Variants in PLCL1 observed in about 807,000 individuals in gnomAD.
The protein encoded by PLCL1 is phospholipase C like 1 (inactive).
Under a neutral mutation model 84.4 loss-of-function variants are expected in PLCL1, and 41 were observed. The ratio of observed to expected loss-of-function variants is 0.49; its 90% CI spans 0.38 to 0.63. PLCL1 has a LOEUF of 0.63. PLCL1 is among the 30% of genes least tolerant of loss of function. The pLI, the probability that PLCL1 is intolerant of heterozygous loss-of-function variation, is 0.00. For missense variants in PLCL1, 1,206 were observed against 1,367.8 expected (o/e 0.88, Z 1.87); for synonymous variants, 490 against 488.3 (o/e 1.00, Z -0.05).
intron 1 of PLCL1, among the ~76,000 whole-genome samples, chr2:197,964,360 A>T (rs1340328905): frequency 6.6e-6 from 1 of 152,070 alleles, no homozygotes; most frequent in East Asian, 1.9e-4. Flanking sequence ...ATTTGTAGCT[A>T]ATATAAATGG....
rs1193670706 is a variant in PLCL1 at position 198,004,182 on chromosome 2, A to G, written c.241-79576A>G. ...GTCTGGAAGCTGGGCCAATTTCTAC[A>G]AATGTTCTGCTCAGTAGCTAGCCTT... On this transcript the variant is annotated intron_variant, in intron 1 of 5. Coordinates refer to ENST00000428675, the MANE Select transcript of PLCL1 (RefSeq NM_006226.4). Among the ~76,000 whole-genome samples the G allele has an allele frequency of 2.0e-5, 3 of 152,226 alleles. No homozygotes were observed. The East Asian group carries it at 5.8e-4, about 29-fold the overall frequency.
intron 1 of PLCL1, among the ~76,000 whole-genome samples, chr2:198,068,839 T>C (rs1039084172): frequency 6.6e-6 from 1 of 152,080 alleles, no homozygotes; most frequent in Non-Finnish European, 1.5e-5. Context: ...CTGAACAACA[T>C]GGAGAAACCC....
At chr2:197,843,742 C>A (rs1175016622) in intron 1 of PLCL1, among the ~76,000 whole-genome samples, 1 of 152,090 alleles carries the variant, frequency 6.6e-6, no homozygotes, top group Non-Finnish European at 1.5e-5. Context: ...GAAAGATTCC[C>A]TAGATCTGAA....
intron 1 of PLCL1, among the ~76,000 whole-genome samples, chr2:197,869,035 T>A (rs1006069321): frequency 1.6e-4 from 25 of 152,322 alleles, no homozygotes; most frequent in Admixed American, 2.6e-4. Context: ...GAGTGCCTGT[T>A]ATACGCTGAG....
chr2:197,886,650 G>C (rs1687930137), intron 1 of PLCL1, among the ~76,000 whole-genome samples: 1 of 151,978 alleles, frequency 6.6e-6, no homozygotes, highest in African/African-American at 2.4e-5. Flanking sequence ...AGGGCCTTTC[G>C]ATCTACTTTC....
At chr2:197,829,463 A>G (rs1207618808) in intron 1 of PLCL1, among the ~76,000 whole-genome samples, 1 of 152,204 alleles carries the variant, frequency 6.6e-6, no homozygotes, top group Non-Finnish European at 1.5e-5. Context: ...GAATTTATGC[A>G]TCGTTAAAAT....
intron 1 of PLCL1, among the ~76,000 whole-genome samples, chr2:197,825,364 A>C (rs143944405): frequency 8.7e-4 from 132 of 152,292 alleles, no homozygotes; most frequent in African/African-American, 3.0e-3. Context: ...TTTCAGTAGA[A>C]GGCATAGGCA....
At chr2:197,957,168 C>G (rs1255867907) in intron 1 of PLCL1, among the ~76,000 whole-genome samples, 1 of 152,026 alleles carries the variant, frequency 6.6e-6, no homozygotes, top group African/African-American at 2.4e-5. Flanking sequence ...CTCACTTCCA[C>G]TAGGAATTAT....
intron 5 of PLCL1, among the ~76,000 whole-genome samples, chr2:198,131,536 C>T (rs1052306198): frequency 1.3e-5 from 2 of 152,150 alleles, no homozygotes; most frequent in Non-Finnish European, 2.9e-5. Flanking sequence ...CTCGTCAAAT[C>T]CCCATGTTTT....
intron 1 of PLCL1, among the ~76,000 whole-genome samples, chr2:197,976,312 A>G (rs1689979870): frequency 6.6e-6 from 1 of 152,212 alleles, no homozygotes; most frequent in African/African-American, 2.4e-5. Flanking sequence ...AACCTAGAAG[A>G]GTCCACTTTT....
chr2:198,115,946 A>G (rs1441000258), intron 5 of PLCL1, among the ~76,000 whole-genome samples: 1 of 147,904 alleles, frequency 6.8e-6, no homozygotes, highest in Non-Finnish European at 1.5e-5. Context: ...TATTAAATAT[A>G]TAAAATATAT....
At chr2:197,982,188 A>G (rs1690119212) in intron 1 of PLCL1, among the ~76,000 whole-genome samples, 1 of 150,764 alleles carries the variant, frequency 6.6e-6, no homozygotes, top group Non-Finnish European at 1.5e-5. Flanking sequence ...ACGAATTTTA[A>G]TCAATAGAAT....
In PLCL1 at chr2:197,967,712, A is replaced by G. The variant is rs143514537; in HGVS notation, c.241-116046A>G. ...TGAAAAGGTAAGAAATCCAGAGGAA[A>G]AAATTACATATTCTCTCTTAGTTTA... is the stretch of plus-strand genomic sequence containing the variant. On this transcript the variant is annotated intron_variant, in intron 1 of 5. Coordinates refer to ENST00000428675, the MANE Select transcript of PLCL1 (RefSeq NM_006226.4). Among the ~76,000 whole-genome samples the G allele has an allele frequency of 3.7e-3, 566 of 152,370 alleles. 5 individuals carry two copies. Among genetic ancestry groups the G allele is most frequent in the African/African-American group, 0.013 (539 of 41,594 alleles).
intron 1 of PLCL1, among the ~76,000 whole-genome samples, chr2:197,976,004 G>T (rs1311765312): frequency 6.6e-6 from 1 of 151,788 alleles, no homozygotes; most frequent in Admixed American, 6.6e-5. Flanking sequence ...TACTTACACA[G>T]ACCTCTCATT....
At chr2:198,091,121 G>A (rs1415082248) in intron 3 of PLCL1, among the ~76,000 whole-genome samples, 1 of 152,172 alleles carries the variant, frequency 6.6e-6, no homozygotes, top group Non-Finnish European at 1.5e-5. Context: ...GGAATTGAGT[G>A]TAAATATCCT....
intron 1 of PLCL1, among the ~76,000 whole-genome samples, chr2:197,948,268 T>C (rs1171209055): frequency 6.6e-6 from 1 of 152,152 alleles, no homozygotes; most frequent in African/African-American, 2.4e-5. Flanking sequence ...CTAAGAACGC[T>C]GGAGTAGAAA....
intron 5 of PLCL1, among the ~76,000 whole-genome samples, chr2:198,134,005 G>A (rs1694191920): frequency 6.6e-6 from 1 of 152,136 alleles, no homozygotes; most frequent in African/African-American, 2.4e-5. Context: ...GAGGTATTTA[G>A]GGTGAAGTAT....
chr2:198,136,404 A>G (rs960477383), intron 5 of PLCL1, among the ~76,000 whole-genome samples: 1 of 152,160 alleles, frequency 6.6e-6, no homozygotes, highest in Non-Finnish European at 1.5e-5. Context: ...TCTTGGAGCC[A>G]GGATTTGAGC....
chr2:197,993,574 G>A (rs1690390375), intron 1 of PLCL1, among the ~76,000 whole-genome samples: 1 of 152,042 alleles, frequency 6.6e-6, no homozygotes, highest in Admixed American at 6.6e-5. Flanking sequence ...ACAGTGTAGA[G>A]TCATTATCAC....
Sources: gnomAD v4.1 joint callset for allele counts (sites outside exome capture counted in the v4.1 genomes callset) on GRCh38, gnomAD v4.1.1 for gene constraint, MANE v1.5 for transcripts, NCBI Gene and HGNC (gene_info 2026-07-23, HGNC 2026-07-21) for gene names.